PXDN: variants seen among roughly 807,000 people sequenced by gnomAD.
PXDN encodes the protein peroxidasin.
In PXDN, 77 loss-of-function variants were observed where a neutral mutation model predicts 140.3. That is an observed-to-expected ratio of 0.55 (90% CI 0.46 to 0.66). PXDN has a LOEUF of 0.66. Ranked by LOEUF, PXDN falls within the 30% of genes least tolerant of loss-of-function variation. The pLI, the probability that PXDN is intolerant of heterozygous loss-of-function variation, is 0.00. For missense variants in PXDN, 1,838 were observed against 2,039.5 expected (o/e 0.90, Z 1.90); for synonymous variants, 911 against 857.4 (o/e 1.06, Z -1.09).
At chr2:1,702,559 A>G (rs536940531) in intron 1 of PXDN, among the ~76,000 whole-genome samples, 1 of 152,342 alleles carries the variant, frequency 6.6e-6, no homozygotes, top group African/African-American at 2.4e-5. Context: ...TGCCCATGAC[A>G]CAGCCTCAGG....
At chr2:1,703,513 C>T in intron 1 of PXDN, among the ~76,000 whole-genome samples, 1 of 23,930 alleles carries the variant, frequency 4.2e-5, no homozygotes, top group Non-Finnish European at 7.4e-5. Flanking sequence ...GGGGACAACT[C>T]CAGGTGAAGG....
Position 1,653,748 on chromosome 2 carries a change from G to A in PXDN, c.1984C>T (p.Arg662Trp), listed in dbSNP as rs761764531. The change falls in exon 16 of 23, where the codon CGG (arginine) becomes TGG (tryptophan). Residue 662 changes from arginine (R) to tryptophan (W), a missense_variant. Arg to Trp is a moderately radical substitution (Grantham distance 101, BLOSUM62 -3). Transcript: ENST00000252804. ...RSPNDLLALF[R>W]YPRDPYTVEQ... ...ACTGTGTAAGGATCCCTCGGATACCGGAACAAGGCCAGCAAATCATTTGGA... is the reference window on the plus strand; with the variant it reads ...ACTGTGTAAGGATCCCTCGGATACCAGAACAAGGCCAGCAAATCATTTGGA... 5.7e-6 allele frequency: 9 copies of A among 1,590,910 alleles called. No homozygotes were observed. Among genetic ancestry groups the A allele is most frequent in the Admixed American group, 1.8e-5 (1 of 56,332 alleles).
chr2:1,654,930 T>C (rs1683095251), intron 14 of PXDN, among the ~76,000 whole-genome samples: 1 of 152,028 alleles, frequency 6.6e-6, no homozygotes, highest in Admixed American at 6.6e-5. Flanking sequence ...TCCGGGATCC[T>C]AACCCACTCC....
chr2:1,635,266 G>A lies in PXDN; in HGVS notation c.4320+142C>T, dbSNP rs553031514. The A allele has an allele frequency of 4.5e-5, 33 of 736,030 alleles. 2 individuals are homozygous for A. In the South Asian group the frequency reaches 4.8e-4, roughly 11 times the overall value. 45.6% of individuals were successfully genotyped at this position (736,030 alleles called of 1,614,324 possible). On this transcript the variant is annotated intron_variant, in intron 22 of 22. Coordinates refer to ENST00000252804, the MANE Select transcript of PXDN (RefSeq NM_012293.3). ...CTGGGCTTGCCTGGTGCTTCCATAG[G>A]AGTGAAGGAGGGATGGAGGCCAGCA...
chr2:1,739,901 TTGACTC>T (rs1488201243), intron 1 of PXDN, among the ~76,000 whole-genome samples: 1 of 152,254 alleles, frequency 6.6e-6, no homozygotes, highest in Non-Finnish European at 1.5e-5. Flanking sequence ...AATAAAGTCT[TTGACTC>T]TGTTGTGCCA....
In PXDN at chr2:1,683,711, G is replaced by A. The variant is rs756013896; in HGVS notation, c.505C>T (p.Arg169Trp). The change falls in exon 6 of 23, where the codon CGG becomes TGG. Residue 169 changes from arginine to tryptophan, a missense_variant. This residue lies in a region of PXDN where 208 missense variants were observed against 325.8 expected (regional missense o/e 0.64). Coordinates refer to ENST00000252804, the MANE Select transcript of PXDN (RefSeq NM_012293.3). ...GTCCCTGGAACTAAATGTGTAATCC[G>A]GTTGTTATGCAAAAATCTGTTGAAA... is the stretch of plus-strand genomic sequence containing the variant. ...KLERLFLHNNRITHLVPGTFN... is the reference protein window; with the variant it reads ...KLERLFLHNNWITHLVPGTFN... 14 of 1,602,428 alleles carry A rather than the reference G, an allele frequency of 8.7e-6. No homozygotes were observed. The highest frequency in any genetic ancestry group is 1.3e-5 in the African/African-American group (1 of 74,462).
chr2:1,724,906 A>C (rs931969025), intron 1 of PXDN, among the ~76,000 whole-genome samples: 22 of 152,200 alleles, frequency 1.4e-4, no homozygotes, highest in African/African-American at 5.1e-4. Flanking sequence ...GAAGAATGCT[A>C]CTGGAATTGT....
In PXDN at chr2:1,649,705, C is replaced by CAAT; in HGVS notation, c.2105-33_2105-31dup. ...GACGTGGAGAAAAGCAAGACGCACTCAATTCCCCTGGAGGATGTGTGAGGG... is the reference window on the plus strand; with the variant it reads ...GACGTGGAGAAAAGCAAGACGCACTCAATAATTCCCCTGGAGGATGTGTGAGGG... On this transcript the variant is annotated intron_variant, in intron 16 of 22. Transcript: ENST00000252804. This position sits in a 1 kb window ranked among gnomAD's most constrained non-coding sequence, Gnocchi z 7.1. 1 of 1,610,948 alleles carries CAAT rather than the reference C, an allele frequency of 6.2e-7. No homozygotes were observed.
intron 1 of PXDN, among the ~76,000 whole-genome samples, chr2:1,697,053 G>C (rs539182255): frequency 6.6e-6 from 1 of 152,282 alleles, no homozygotes; most frequent in Non-Finnish European, 1.5e-5. Flanking sequence ...CAGTGCTTGG[G>C]AGCCTGTTAG....
chr2:1,710,578 AC>A (rs1684731424), intron 1 of PXDN, among the ~76,000 whole-genome samples: 1 of 120,714 alleles, frequency 8.3e-6, no homozygotes, highest in African/African-American at 3.3e-5. Context: ...CACCCTCTCC[AC>A]TAGCACCCTC....
Position 1,653,625 on chromosome 2 carries a change from G to T in PXDN, c.2104+3C>A. On this transcript the variant is annotated splice_donor_region_variant and intron_variant, in intron 16 of 22. Transcript: ENST00000252804. ...AGGAGGAAGAAAAGGCTTTGGCACT[G>T]ACTTGTTCCGTTGAGGTCGACCATC... 6.2e-7 allele frequency: 1 copy of T among 1,612,388 alleles called. No homozygotes were observed. Among genetic ancestry groups the T allele is most frequent in the Non-Finnish European group, 8.5e-7 (1 of 1,179,402 alleles).
rs772677372 is a variant in PXDN, at chr2:1,666,272, C to G, written c.1233G>C (p.Ala411=). Reference sequence around the variant, plus strand: ...TGTCAATGTTGTTGGTCGCAGAGCACGCATACTCTCCGCTGTCCCCCTGTA... The same window carrying G: ...TGTCAATGTTGTTGGTCGCAGAGCAGGCATACTCTCCGCTGTCCCCCTGTA... ...NVVQGDSGEY[A]CSATNNIDSV... is the part of the protein sequence containing the mutation. Residue 411 remains alanine (A), a synonymous_variant, in exon 10 of 23, where the codon GCG becomes GCC. Coordinates refer to ENST00000252804, the MANE Select transcript of PXDN (RefSeq NM_012293.3). 4 of 1,613,918 alleles carry G rather than the reference C, an allele frequency of 2.5e-6. No homozygotes were observed. In the African/African-American group the frequency reaches 5.3e-5, roughly 22 times the overall value.
chr2:1,637,303 G>A (rs1177682235), intron 21 of PXDN, among the ~76,000 whole-genome samples: 3 of 152,224 alleles, frequency 2.0e-5, no homozygotes, highest in Non-Finnish European at 4.4e-5. Flanking sequence ...AGTGCCAGGT[G>A]GAGCTGAGTG....
chr2:1,680,107 TTGTG>T, intron 7 of PXDN, 82 bp downstream of exon 7: 1 of 1,085,350 alleles, frequency 9.2e-7, no homozygotes, highest in Non-Finnish European at 1.2e-6. Flanking sequence ...TGTGTGGATG[TTGTG>T]TGTGTAGATG....
intron 1 of PXDN, among the ~76,000 whole-genome samples, chr2:1,708,526 A>G (rs951616259): frequency 9.9e-5 from 15 of 152,226 alleles, no homozygotes; most frequent in African/African-American, 3.6e-4. Context: ...ATCCTCCTTT[A>G]CAGAGGCAGA....
At chr2:1,728,899 A>T (rs1007648939) in intron 1 of PXDN, among the ~76,000 whole-genome samples, 4 of 152,244 alleles carry the variant, frequency 2.6e-5, no homozygotes, top group Non-Finnish European at 5.9e-5. Flanking sequence ...TAGAAGCGAG[A>T]CAGGCCGAGC....
chr2:1,641,391 C>A (rs1243353354), intron 19 of PXDN, among the ~76,000 whole-genome samples: 1 of 152,184 alleles, frequency 6.6e-6, no homozygotes, highest in Non-Finnish European at 1.5e-5. Flanking sequence ...CTCAGGTGAT[C>A]CACCTGCCTC....
intron 1 of PXDN, among the ~76,000 whole-genome samples, chr2:1,702,061 G>A (rs751545028): frequency 3.9e-5 from 6 of 152,064 alleles, no homozygotes; most frequent in African/African-American, 7.2e-5. Context: ...GACATAACAC[G>A]CCCACTAATA....
In PXDN at chr2:1,703,418, A is replaced by C. The variant is rs565277224; in HGVS notation, c.201-10284T>G. On this transcript the variant is annotated intron_variant, in intron 1 of 22. Transcript: ENST00000252804. ...AAGGAGGGACAACTCCAGGTGAAGG[A>C]GGGACAACTCCAGGTGAAGCGGGGG... Among the ~76,000 whole-genome samples, 28 of 33,420 alleles carry C rather than the reference A, an allele frequency of 8.4e-4. 1 individual carries two copies. The highest frequency in any genetic ancestry group is 3.7e-3 in the African/African-American group (27 of 7,212). The allele number at this position is 33,420 out of a possible 152,430, so 21.9% of individuals were successfully genotyped here. A position where few individuals can be genotyped will look rare whatever the true frequency, so the allele number is the denominator to read the frequency against.
Sources: gnomAD v4.1 joint callset for allele counts (sites outside exome capture counted in the v4.1 genomes callset) on GRCh38, gnomAD v4.1.1 for gene constraint, gnomAD v4.1.1 regional missense constraint, Gnocchi (gnomAD v3.1) non-coding constraint, MANE v1.5 for transcripts, NCBI Gene and HGNC (gene_info 2026-07-23, HGNC 2026-07-21) for gene names.